TRPM3: variants seen among roughly 807,000 people sequenced by gnomAD.
TRPM3 encodes transient receptor potential cation channel subfamily M member 3.
Under a neutral mutation model 181.2 loss-of-function variants are expected in TRPM3, and 77 were observed. The observed-to-expected ratio is 0.42, with a 90% CI of 0.35 to 0.51. TRPM3 has a LOEUF of 0.51. TRPM3 is among the 20% of genes least tolerant of loss of function. The probability of loss-of-function intolerance (pLI) is 0.01; values close to 1 mark genes in which losing one functional copy is unlikely to be tolerated. For synonymous variants in TRPM3, 745 were observed against 796.4 expected, an observed-to-expected ratio of 0.94 and a Z score of 1.09; for missense variants, 1,759 against 2,196.7, an observed-to-expected ratio of 0.80 and a Z score of 3.98.
At chr9:71,007,166 T>TTA (rs777264740) in intron 1 of TRPM3, among the ~76,000 whole-genome samples, 33 of 143,698 alleles carry the variant, frequency 2.3e-4, no homozygotes, top group Non-Finnish European at 5.0e-4. Context: ...GAATATACAA[T>TTA]TATAAATACA....
At chr9:71,333,468 G>A (rs755930224) in intron 1 of TRPM3, among the ~76,000 whole-genome samples, 31 of 152,088 alleles carry the variant, frequency 2.0e-4, no homozygotes, top group Non-Finnish European at 3.1e-4. Flanking sequence ...CCATTTCTAT[G>A]CAGCTAGCAC....
At chr9:70,833,355 T>C (rs555759977) in intron 5 of TRPM3, among the ~76,000 whole-genome samples, 55 of 152,280 alleles carry the variant, frequency 3.6e-4, no homozygotes, top group African/African-American at 1.3e-3. Context: ...CCTACTGAAT[T>C]ATGAACCAAC....
At chr9:70,601,255 G>A (rs1054873605) in intron 20 of TRPM3, among the ~76,000 whole-genome samples, 6 of 152,184 alleles carry the variant, frequency 3.9e-5, no homozygotes, top group African/African-American at 7.2e-5. Context: ...GTCTACCCAC[G>A]CATGCTGTAA....
intron 6 of TRPM3, among the ~76,000 whole-genome samples, chr9:70,796,432 C>G (rs2131120249): frequency 6.6e-6 from 1 of 152,248 alleles, no homozygotes; most frequent in South Asian, 2.1e-4. Context: ...TTACTTCTAC[C>G]TGTCCCAAAT....
chr9:70,961,329 C>T (rs888205723), intron 1 of TRPM3, among the ~76,000 whole-genome samples: 1 of 152,142 alleles, frequency 6.6e-6, no homozygotes, highest in African/African-American at 2.4e-5. Context: ...CTGTACAACC[C>T]ATTTTGGACT....
At chr9:70,870,104 G>T (rs1417733685) in intron 1 of TRPM3, among the ~76,000 whole-genome samples, 2 of 151,996 alleles carry the variant, frequency 1.3e-5, no homozygotes, top group African/African-American at 4.8e-5. Context: ...ATCTGTGAGG[G>T]CAATGGGGCT....
chr9:70,613,567 T>C (rs1481912447), intron 18 of TRPM3, among the ~76,000 whole-genome samples: 2 of 152,348 alleles, frequency 1.3e-5, no homozygotes, highest in Non-Finnish European at 2.9e-5. Flanking sequence ...GCCTGAGCAG[T>C]GACAGAATTT....
At chr9:71,238,684 T>TGCTA (rs1394619279) in intron 1 of TRPM3, among the ~76,000 whole-genome samples, 1 of 152,236 alleles carries the variant, frequency 6.6e-6, no homozygotes, top group African/African-American at 2.4e-5. Context: ...CATTTGTAAC[T>TGCTA]GCTAGAACTT....
intron 1 of TRPM3, among the ~76,000 whole-genome samples, chr9:70,957,916 A>G (rs917699465): frequency 6.6e-6 from 1 of 152,228 alleles, no homozygotes; most frequent in African/African-American, 2.4e-5. Context: ...AAAAACAAAA[A>G]AAACTGTGCT....
rs1021036126 is a variant in TRPM3, at chr9:70,625,256, A to G, written c.1744T>C (p.Tyr582His). Residue 582 changes from tyrosine to histidine, a missense_variant, in exon 14 of 26, where the codon TAT (tyrosine) becomes CAT (histidine). Physicochemically the swap from Tyr to His is moderately conservative, Grantham distance 83 (BLOSUM62 2). This residue lies in a region of TRPM3 where 737 missense variants were observed against 957.4 expected (regional missense o/e 0.77). Coordinates refer to ENST00000677713, the MANE Select transcript of TRPM3 (RefSeq NM_001366145.2). This position sits in a 1 kb window ranked among gnomAD's most constrained non-coding sequence, Gnocchi z 4.8. The stretch of plus-strand genomic sequence containing the variant: ...CGCTTGCGCGTGTAGTTGCAGCGAT[A>G]AGCCCCGCCCATCAGGTACTCGATC... ...LVIEYLMGGA[Y>H]RCNYTRKRFR... 5.0e-6 allele frequency: 8 copies of G among 1,614,020 alleles called. No homozygotes were observed. Among genetic ancestry groups the G allele is most frequent in the Non-Finnish European group, 6.8e-6 (8 of 1,180,026 alleles).
intron 8 of TRPM3, 114 bp downstream of exon 8, chr9:70,761,487 G>C (rs760995746): frequency 6.8e-7 from 1 of 1,470,390 alleles, no homozygotes. Flanking sequence ...CCTGAGGAGA[G>C]CTGTAAGCTC....
At chr9:71,216,874 G>A (rs2079900206) in intron 1 of TRPM3, among the ~76,000 whole-genome samples, 1 of 145,746 alleles carries the variant, frequency 6.9e-6, no homozygotes, top group Non-Finnish European at 1.5e-5. Flanking sequence ...CATCCTTTGT[G>A]AAAATACCAT....
At chr9:70,831,272 T>C (rs1474662274) in intron 5 of TRPM3, among the ~76,000 whole-genome samples, 2 of 152,192 alleles carry the variant, frequency 1.3e-5, no homozygotes, top group African/African-American at 2.4e-5. Context: ...CCCGTTATGC[T>C]TTCCAAATTA....
intron 6 of TRPM3, among the ~76,000 whole-genome samples, chr9:70,787,047 T>C (rs1398620105): frequency 2.0e-5 from 3 of 152,166 alleles, no homozygotes; most frequent in Admixed American, 6.5e-5. Flanking sequence ...TTTGAGAGCA[T>C]ACATAATGAA....
intron 1 of TRPM3, among the ~76,000 whole-genome samples, chr9:71,074,060 A>T (rs649030): frequency 1 from 151,903 of 152,334 alleles, 75,737 homozygotes; most frequent in Middle Eastern, 1. Flanking sequence ...TACAACACGC[A>T]TTTTTCTCTG....
intron 1 of TRPM3, among the ~76,000 whole-genome samples, chr9:71,363,525 T>C (rs537903568): frequency 7.2e-5 from 11 of 152,352 alleles, no homozygotes; most frequent in Admixed American, 2.0e-4. Context: ...TATTTCTAAC[T>C]CAACAAGTTG....
intron 1 of TRPM3, among the ~76,000 whole-genome samples, chr9:70,989,833 C>A (rs1057231621): frequency 5.3e-5 from 8 of 152,168 alleles, no homozygotes; most frequent in Non-Finnish European, 1.2e-4. Flanking sequence ...CTTTTACAAC[C>A]TGAAGCAACT....
intron 22 of TRPM3, among the ~76,000 whole-genome samples, chr9:70,587,680 C>A (rs1165777505): frequency 6.6e-6 from 1 of 152,186 alleles, no homozygotes; most frequent in Non-Finnish European, 1.5e-5. Context: ...CCACATGGGT[C>A]ACACTGATGA....
chr9:70,652,518 C>T (rs2059724503), intron 9 of TRPM3, among the ~76,000 whole-genome samples: 1 of 151,956 alleles, frequency 6.6e-6, no homozygotes, highest in Non-Finnish European at 1.5e-5. Context: ...ACTTTGACAC[C>T]AAGGAAAGGT....
Sources: gnomAD v4.1 joint callset for allele counts (sites outside exome capture counted in the v4.1 genomes callset) on GRCh38, gnomAD v4.1.1 for gene constraint, gnomAD v4.1.1 regional missense constraint, Gnocchi (gnomAD v3.1) non-coding constraint, MANE v1.5 for transcripts, NCBI Gene and HGNC (gene_info 2026-07-23, HGNC 2026-07-21) for gene names.